The following STAG2 variants were observed in gnomAD, a reference collection of about 807,000 sequenced individuals.
STAG2 encodes the protein STAG2 cohesin complex component.
STAG2 carries 14 observed loss-of-function variants against 108.1 expected under a neutral mutation model. That is an observed-to-expected ratio of 0.13 (90% CI 0.09 to 0.20). The LOEUF is 0.20. STAG2 is among the 10% of genes least tolerant of loss of function. The pLI is 1.00. For synonymous variants in STAG2, 307 were observed against 302.7 expected (o/e 1.01, Z -0.15); for missense variants, 440 against 940.9 (o/e 0.47, Z 6.96).
At chrX:124,082,299 T>C (rs746252591) in intron 28 of STAG2, among the ~76,000 whole-genome samples, 1 of 111,815 alleles carries the variant, frequency 8.9e-6, no homozygotes, top group African/African-American at 3.2e-5. Flanking sequence ...TGGAAGTCGT[T>C]TTATTTTATA....
At chrX:123,998,461 A>T (rs1359809288) in intron 1 of STAG2, among the ~76,000 whole-genome samples, 1 of 103,271 alleles carries the variant, frequency 9.7e-6, no homozygotes, top group African/African-American at 3.5e-5. Flanking sequence ...GTGAGCCACC[A>T]CGCCCTGCCG....
At chrX:123,995,034 T>A (rs1426935268) in intron 1 of STAG2, among the ~76,000 whole-genome samples, 1 of 111,968 alleles carries the variant, frequency 8.9e-6, no homozygotes, top group African/African-American at 3.2e-5. Context: ...AAACTCCTAT[T>A]TTTAGCACAC....
chrX:124,008,733 C>T (rs1337170970), intron 1 of STAG2, among the ~76,000 whole-genome samples: 1 of 111,439 alleles, frequency 9.0e-6, no homozygotes, highest in Non-Finnish European at 1.9e-5. Context: ...GATTGTGTTT[C>T]ATGATGAAAA....
At chrX:124,040,375 G>T (rs1392265349) in intron 6 of STAG2, among the ~76,000 whole-genome samples, 2 of 110,297 alleles carry the variant, frequency 1.8e-5, no homozygotes, top group Non-Finnish European at 3.8e-5. Context: ...TTAAAATAGA[G>T]ATAGGGTCTT....
chrX:123,980,587 G>A (rs139399567), intron 1 of STAG2, among the ~76,000 whole-genome samples: 1,961 of 111,341 alleles, frequency 0.018, 46 homozygotes, highest in African/African-American at 0.06. Context: ...TTCCTTTGTC[G>A]CATCTCATGG....
intron 1 of STAG2, among the ~76,000 whole-genome samples, chrX:124,001,444 T>C (rs776774141): frequency 1.7e-4 from 19 of 111,568 alleles, no homozygotes; most frequent in African/African-American, 5.9e-4. Context: ...GTTTATAAAG[T>C]GTACAATAGT....
At chrX:124,013,434 T>C (rs1465411876) in intron 1 of STAG2, among the ~76,000 whole-genome samples, 1 of 111,168 alleles carries the variant, frequency 9.0e-6, no homozygotes, top group Non-Finnish European at 1.9e-5. Context: ...ATTAAAACAA[T>C]TATTAGCTAT....
rs748406167 is a variant in STAG2 at position 124,096,475 on chromosome X, A to AT, written c.3783+1035dup. 3.2e-3 allele frequency among the ~76,000 whole-genome samples: 357 copies of AT among 110,092 alleles called. 2 individuals are homozygous for AT. Among genetic ancestry groups the AT allele is most frequent in the African/African-American group, 0.011 (339 of 30,272 alleles). On this transcript the variant is annotated intron_variant, in intron 34 of 34. Transcript: ENST00000371145. ...GTGGAATTTTTGCTGACTTCCACAG[A>AT]TTTTTTTTTCTCTCCTTCTTTAACT... is the stretch of plus-strand genomic sequence containing the variant.
chrX:124,000,686 A>G (rs1254675879), intron 1 of STAG2, among the ~76,000 whole-genome samples: 4 of 111,093 alleles, frequency 3.6e-5, no homozygotes, highest in African/African-American at 1.3e-4. Flanking sequence ...GTCTCAAGGG[A>G]AAAAAAGAAA....
At chrX:124,061,987 C>A in intron 17 of STAG2, 113 bp downstream of exon 17, 1 of 599,888 alleles carries the variant, frequency 1.7e-6, no homozygotes, top group East Asian at 3.9e-5. Flanking sequence ...TTCAGACAAC[C>A]TTTGCTTATA....
At position 124,094,549 on chromosome X, in the gene STAG2, G is replaced by T. The variant is rs1033284952; in HGVS notation, c.3705+405G>T. Among the ~76,000 whole-genome samples the T allele has an allele frequency of 4.5e-5, 5 of 112,082 alleles. No homozygotes were observed. The Admixed American group carries it at 4.7e-4, about 11-fold the overall frequency. ...TGAGACAAATTCCGTATCAGATAAT[G>T]AAGTAAAATTACTTAAACTTGGAAG... On this transcript the variant is annotated intron_variant, in intron 33 of 34. Coordinates refer to ENST00000371145, the MANE Select transcript of STAG2 (RefSeq NM_001042750.2).
chrX:124,063,747 T>TA (rs1225562796), intron 19 of STAG2, 101 bp from the exon 20 acceptor site: 4 of 603,348 alleles, frequency 6.6e-6, no homozygotes, highest in Non-Finnish European at 1.1e-5. Context: ...GTTGTAGACT[T>TA]ACTGTATTTG....
intron 1 of STAG2, among the ~76,000 whole-genome samples, chrX:124,011,691 A>G (rs374069853): frequency 3.6e-5 from 4 of 110,594 alleles, no homozygotes; most frequent in African/African-American, 1.3e-4. Flanking sequence ...GCTAGTGGGA[A>G]CTCTGCACAG....
intron 1 of STAG2, chrX:123,963,538 G>A (rs2053965226): frequency 9.1e-6 from 1 of 110,409 alleles, no homozygotes; most frequent in Admixed American, 9.7e-5. Context: ...AGAAGGACCA[G>A]TTTAAGGTAT....
intron 27 of STAG2, among the ~76,000 whole-genome samples, chrX:124,079,247 T>C (rs1441096202): frequency 9.3e-6 from 1 of 107,777 alleles, no homozygotes; most frequent in East Asian, 3.0e-4. Flanking sequence ...CACGCCATTC[T>C]CCTGCCTCAG....
At position 124,095,357 on chromosome X, in the gene STAG2, C is replaced by T. The variant is rs1383980598; in HGVS notation, c.3706-15C>T. On this transcript the variant is annotated splice_polypyrimidine_tract_variant and intron_variant, in intron 33 of 34. Transcript: ENST00000371145. ...TAGCTAAACTAATGTCAACTTATTTCCTTTTTTCCTTTAGCCACCATCAAA... is the reference window on the plus strand; with the variant it reads ...TAGCTAAACTAATGTCAACTTATTTTCTTTTTTCCTTTAGCCACCATCAAA... The T allele has an allele frequency of 8.4e-7, 1 of 1,193,318 alleles. No homozygotes were observed. Among genetic ancestry groups the T allele is most frequent in the Admixed American group, 2.2e-5 (1 of 45,848 alleles).
chrX:124,023,494 T>A lies in STAG2; in HGVS notation c.44+823T>A, dbSNP rs1387686873. On this transcript the variant is annotated intron_variant, in intron 3 of 34. Transcript: ENST00000371145. ...TGTTATCTTCAGTGGAGTTTATGAA[T>A]CTTCTGGGACCAAATACATTCAGGT... is the stretch of plus-strand genomic sequence containing the variant. Among the ~76,000 whole-genome samples, 19 of 111,812 alleles carry A rather than the reference T, an allele frequency of 1.7e-4. No individual in the cohort carries two copies. In the Admixed American group the frequency reaches 1.8e-3, roughly 11 times the overall value.
chrX:124,071,530 G>A (rs932407196), intron 25 of STAG2, among the ~76,000 whole-genome samples: 2 of 111,442 alleles, frequency 1.8e-5, no homozygotes, highest in Admixed American at 9.6e-5. Context: ...AAGTCAGATC[G>A]CTGCTTCTCA....
chrX:124,004,438 A>G (rs1222203225), intron 1 of STAG2, among the ~76,000 whole-genome samples: 1 of 112,088 alleles, frequency 8.9e-6, no homozygotes, highest in African/African-American at 3.2e-5. Flanking sequence ...ATTCCTATTT[A>G]GTGGAATTGT....
Sources: gnomAD v4.1 joint callset for allele counts (sites outside exome capture counted in the v4.1 genomes callset) on GRCh38, gnomAD v4.1.1 for gene constraint, MANE v1.5 for transcripts, NCBI Gene and HGNC (gene_info 2026-07-23, HGNC 2026-07-21) for gene names.